NXPH1: variants seen among roughly 807,000 people sequenced by gnomAD.
NXPH1 encodes neurexophilin 1, also known as neurexophilin-1.
A neutral mutation model predicts 23.7 loss-of-function variants in NXPH1; 5 were observed. That is an observed-to-expected ratio of 0.21 (90% CI 0.11 to 0.44). The LOEUF is 0.44. Ranked by LOEUF, NXPH1 falls within the 20% of genes least tolerant of loss-of-function variation. NXPH1 has a pLI of 0.99. For missense variants in NXPH1, 324 were observed against 321.6 expected (o/e 1.01, Z -0.06); for synonymous variants, 144 against 122.2 (o/e 1.18, Z -1.18).
intron 2 of NXPH1, among the ~76,000 whole-genome samples, chr7:8,492,552 G>A (rs576627111): frequency 6.6e-6 from 1 of 151,880 alleles, no homozygotes; most frequent in African/African-American, 2.4e-5. Context: ...ACACAATGGT[G>A]AATAAAACAC....
intron 2 of NXPH1, among the ~76,000 whole-genome samples, chr7:8,501,992 G>T (rs1817444470): frequency 6.6e-6 from 1 of 151,770 alleles, no homozygotes; most frequent in Admixed American, 6.6e-5. Context: ...TCTGAGTTTG[G>T]AGTGATCTTG....
chr7:8,731,696 G>C (rs150921727), intron 2 of NXPH1, among the ~76,000 whole-genome samples: 2 of 152,188 alleles, frequency 1.3e-5, no homozygotes, highest in Non-Finnish European at 1.5e-5. Context: ...AAGTCTGCCC[G>C]TTCTCAGATC....
chr7:8,708,592 T>A (rs759353069), intron 2 of NXPH1, among the ~76,000 whole-genome samples: 1 of 151,692 alleles, frequency 6.6e-6, no homozygotes, highest in Non-Finnish European at 1.5e-5. Flanking sequence ...TAACTCCTGA[T>A]CTCAGGTGAT....
chr7:8,503,311 G>A (rs1817467875), intron 2 of NXPH1, among the ~76,000 whole-genome samples: 1 of 151,984 alleles, frequency 6.6e-6, no homozygotes. Flanking sequence ...ATAAGGAGCA[G>A]AGCTAGGGTT....
In NXPH1 at chr7:8,732,657, A is replaced by G. The variant is rs183898372; in HGVS notation, c.55-18351A>G. ...TGTTATTTTAAATGTTTTATTCATT[A>G]TTATAACCATGTACTCAGGGGTCCT... On this transcript the variant is annotated intron_variant, in intron 2 of 2. Coordinates refer to ENST00000405863, the MANE Select transcript of NXPH1 (RefSeq NM_152745.3). 2.4e-3 allele frequency among the ~76,000 whole-genome samples: 373 copies of G among 152,276 alleles called. 2 individuals carry two copies. Among genetic ancestry groups the G allele is most frequent in the African/African-American group, 8.7e-3 (361 of 41,560 alleles).
chr7:8,522,864 G>A (rs1235241348), intron 2 of NXPH1, among the ~76,000 whole-genome samples: 1 of 152,174 alleles, frequency 6.6e-6, no homozygotes, highest in Non-Finnish European at 1.5e-5. Flanking sequence ...GCTCTGTAGA[G>A]TCTACTTTGT....
intron 2 of NXPH1, among the ~76,000 whole-genome samples, chr7:8,643,285 A>G (rs543400437): frequency 1.2e-4 from 18 of 152,254 alleles, no homozygotes; most frequent in African/African-American, 4.3e-4. Context: ...TAATATATGT[A>G]TATGTACATA....
chr7:8,542,480 C>A (rs1393684715), intron 2 of NXPH1, among the ~76,000 whole-genome samples: 1 of 151,470 alleles, frequency 6.6e-6, no homozygotes, highest in Non-Finnish European at 1.5e-5. Context: ...TTGATCTAAT[C>A]TGCAGGTATA....
At chr7:8,591,935 G>A (rs1014202654) in intron 2 of NXPH1, among the ~76,000 whole-genome samples, 12 of 151,378 alleles carry the variant, frequency 7.9e-5, no homozygotes, top group African/African-American at 1.5e-4. Context: ...GACCTTCAGG[G>A]TTACAGGCAT....
At chr7:8,662,473 G>C (rs1022637346) in intron 2 of NXPH1, among the ~76,000 whole-genome samples, 1 of 151,990 alleles carries the variant, frequency 6.6e-6, no homozygotes. Flanking sequence ...ATGAGAAAAT[G>C]TACTTTGACA....
chr7:8,601,469 C>T (rs1296605068), intron 2 of NXPH1, among the ~76,000 whole-genome samples: 3 of 152,210 alleles, frequency 2.0e-5, no homozygotes, highest in Non-Finnish European at 4.4e-5. Context: ...TCTCAGCGCT[C>T]TCTACCTGTT....
chr7:8,522,337 C>A (rs1250463694), intron 2 of NXPH1, among the ~76,000 whole-genome samples: 1 of 152,154 alleles, frequency 6.6e-6, no homozygotes, highest in East Asian at 1.9e-4. Context: ...ACAATGCAGG[C>A]ATAGCATTCA....
chr7:8,482,177 G>A (rs1183585907), intron 2 of NXPH1, among the ~76,000 whole-genome samples: 1 of 152,172 alleles, frequency 6.6e-6, no homozygotes. Flanking sequence ...AGCTTGAACA[G>A]CTGGGGCTAA....
intron 2 of NXPH1, among the ~76,000 whole-genome samples, chr7:8,507,812 C>T (rs1276764976): frequency 6.6e-6 from 1 of 152,102 alleles, no homozygotes; most frequent in African/African-American, 2.4e-5. Context: ...CCTCCTGCCT[C>T]ATGATTTGTT....
intron 2 of NXPH1, among the ~76,000 whole-genome samples, chr7:8,571,871 G>T (rs1818656411): frequency 7.1e-6 from 1 of 140,588 alleles, no homozygotes. Context: ...ATCATTGTTG[G>T]TGGACTTGTT....
chr7:8,690,133 C>G (rs1460978594), intron 2 of NXPH1, among the ~76,000 whole-genome samples: 1 of 152,202 alleles, frequency 6.6e-6, no homozygotes, highest in African/African-American at 2.4e-5. Context: ...ACCCCTGTGG[C>G]AGGCTTTCCA....
chr7:8,707,170 T>G (rs1291047142), intron 2 of NXPH1, among the ~76,000 whole-genome samples: 1 of 152,192 alleles, frequency 6.6e-6, no homozygotes, highest in Non-Finnish European at 1.5e-5. Flanking sequence ...CTCTAGCACT[T>G]CACACTCACT....
chr7:8,746,143 T>A (rs1780466710), intron 2 of NXPH1, among the ~76,000 whole-genome samples: 1 of 152,224 alleles, frequency 6.6e-6, no homozygotes, highest in African/African-American at 2.4e-5. Context: ...TCTTGTAGTC[T>A]CACTATACAG....
rs547120343 is a variant in NXPH1 at position 8,681,508 on chromosome 7, C to T, written c.55-69500C>T. ...GGAAAGTCCATGAGTTGGAACTGTG[C>T]CACTGCCCTGACGTTTGCTGCATCC... On this transcript the variant is annotated intron_variant, in intron 2 of 2. Coordinates refer to ENST00000405863, the MANE Select transcript of NXPH1 (RefSeq NM_152745.3). Among the ~76,000 whole-genome samples, 4 of 152,152 alleles carry T rather than the reference C, an allele frequency of 2.6e-5. 1 individual carries two copies. The highest frequency in any genetic ancestry group is 1.3e-4 in the Admixed American group (2 of 15,302).
Sources: allele counts gnomAD v4.1 joint callset (sites outside exome capture counted in the v4.1 genomes callset), GRCh38; gene constraint gnomAD v4.1.1; transcripts MANE v1.5; gene names NCBI Gene and HGNC (gene_info 2026-07-23, HGNC 2026-07-21).